The following CEP112 variants were observed in gnomAD, a reference collection of about 807,000 sequenced individuals.
The protein encoded by CEP112 is centrosomal protein 112.
In CEP112, 127 loss-of-function variants were observed where a neutral mutation model predicts 153.0. The observed-to-expected ratio is 0.83, with a 90% CI of 0.72 to 0.96. The LOEUF is 0.96. Among genes scored for constraint, CEP112 ranks in the 40% least tolerant of loss-of-function variants. The pLI, the probability that CEP112 is intolerant of heterozygous loss-of-function variation, is 0.00. For synonymous variants in CEP112, 358 were observed against 374.4 expected (o/e 0.96, Z 0.51); for missense variants, 1,089 against 1,101.2 (o/e 0.99, Z 0.16).
At chr17:65,644,324 C>T in intron 24 of CEP112, 1 of 569,876 alleles carries the variant, frequency 1.8e-6, no homozygotes, top group Non-Finnish European at 3.1e-6. Flanking sequence ...CATTTGAGTG[C>T]CAAGATGGTG....
At chr17:65,979,814 T>A (rs768226213) in intron 17 of CEP112, among the ~76,000 whole-genome samples, 16 of 152,112 alleles carry the variant, frequency 1.1e-4, no homozygotes, top group Admixed American at 3.3e-4. Flanking sequence ...AGCCACAACC[T>A]GCAAAATGAA....
chr17:65,814,453 A>G (rs771874811), intron 21 of CEP112, among the ~76,000 whole-genome samples: 1 of 152,198 alleles, frequency 6.6e-6, no homozygotes, highest in African/African-American at 2.4e-5. Context: ...AAATTATTCA[A>G]ACGATTTAAG....
chr17:65,959,973 G>A (rs932000482), intron 18 of CEP112, among the ~76,000 whole-genome samples: 1 of 152,186 alleles, frequency 6.6e-6, no homozygotes, highest in East Asian at 1.9e-4. Context: ...ACTAGCCACA[G>A]AGGTTTCTGG....
chr17:66,103,171 G>A lies in CEP112; in HGVS notation c.643-6539C>T, dbSNP rs371834187. Among the ~76,000 whole-genome samples the A allele has an allele frequency of 3.9e-5, 6 of 152,038 alleles. No individual in the cohort carries two copies. The East Asian group carries it at 7.7e-4, about 20-fold the overall frequency. On this transcript the variant is annotated intron_variant, in intron 6 of 26. Transcript: ENST00000535342. ...ACCCAGGAGGTGAAGGTTGCAGTGG[G>A]CCGAGATAGTGCCATTGCACTGAGT... is the stretch of plus-strand genomic sequence containing the variant.
rs72837127 is a variant in CEP112 at position 66,077,580 on chromosome 17, T to A, written c.769-7579A>T. Among the ~76,000 whole-genome samples the A allele has an allele frequency of 7.2e-3, 1,099 of 152,236 alleles. 1 individual carries two copies. The highest frequency in any genetic ancestry group is 0.024 in the Middle Eastern group (7 of 294). On this transcript the variant is annotated intron_variant, in intron 8 of 26. Coordinates refer to ENST00000535342, the MANE Select transcript of CEP112 (RefSeq NM_001199165.4). ...TGGGATTATGTGAAACAACCAAACC[T>A]AAGAACAATCGGTATTCCTGAGGAA...
At chr17:66,038,919 C>T (rs1020750863) in intron 12 of CEP112, among the ~76,000 whole-genome samples, 2 of 152,064 alleles carry the variant, frequency 1.3e-5, no homozygotes, top group Non-Finnish European at 2.9e-5. Context: ...TGGCAGGTTA[C>T]TGGAAGAGTC....
intron 20 of CEP112, among the ~76,000 whole-genome samples, chr17:65,856,266 A>T (rs1372902385): frequency 6.6e-6 from 1 of 152,174 alleles, no homozygotes; most frequent in Non-Finnish European, 1.5e-5. Flanking sequence ...ACTCCCTGGG[A>T]GGCAGCAGAG....
intron 18 of CEP112, among the ~76,000 whole-genome samples, chr17:65,946,262 T>G (rs1054361575): frequency 1.3e-5 from 2 of 152,238 alleles, no homozygotes; most frequent in Non-Finnish European, 2.9e-5. Flanking sequence ...TTCCCAACTA[T>G]CAAAAATGTT....
chr17:65,703,998 T>C (rs2048775301), intron 23 of CEP112, among the ~76,000 whole-genome samples: 2 of 151,976 alleles, frequency 1.3e-5, no homozygotes, highest in African/African-American at 2.4e-5. Context: ...GAACGTGGCC[T>C]TATTTGGAAA....
chr17:65,776,257 C>G (rs926394498), intron 21 of CEP112, among the ~76,000 whole-genome samples: 1 of 151,772 alleles, frequency 6.6e-6, no homozygotes, highest in African/African-American at 2.4e-5. Flanking sequence ...TTTTTTGAGA[C>G]GGAGTCTCGC....
chr17:65,669,521 A>C (rs1294042713), intron 24 of CEP112, among the ~76,000 whole-genome samples: 1 of 152,204 alleles, frequency 6.6e-6, no homozygotes, highest in African/African-American at 2.4e-5. Context: ...AGAAGTAGGG[A>C]ATAGATACCA....
chr17:65,826,309 C>T, intron 21 of CEP112: 1 of 1,613,976 alleles, frequency 6.2e-7, no homozygotes. Flanking sequence ...TCTTCGTTGA[C>T]CCCCATTAAG....
intron 12 of CEP112, among the ~76,000 whole-genome samples, chr17:66,043,790 T>C (rs929866137): frequency 2.6e-5 from 4 of 152,216 alleles, no homozygotes; most frequent in African/African-American, 7.2e-5. Context: ...GTAAGTCTCA[T>C]AATCTATACA....
At chr17:65,833,591 T>A (rs914252621) in intron 21 of CEP112, among the ~76,000 whole-genome samples, 4 of 151,948 alleles carry the variant, frequency 2.6e-5, no homozygotes, top group African/African-American at 9.7e-5. Flanking sequence ...CAGAAAGCAA[T>A]CCATTCACAA....
chr17:65,897,283 A>G (rs1175918506), intron 20 of CEP112, among the ~76,000 whole-genome samples: 1 of 152,180 alleles, frequency 6.6e-6, no homozygotes, highest in African/African-American at 2.4e-5. Context: ...CTCAGGACCA[A>G]GCAAATGGCA....
At chr17:66,090,793 A>T (rs73992236) in intron 8 of CEP112, among the ~76,000 whole-genome samples, 1 of 152,124 alleles carries the variant, frequency 6.6e-6, no homozygotes, top group African/African-American at 2.4e-5. Flanking sequence ...GCTTCCTATA[A>T]GAAATTCATT....
chr17:65,850,102 C>T (rs562141184), intron 21 of CEP112, among the ~76,000 whole-genome samples: 115 of 141,746 alleles, frequency 8.1e-4, no homozygotes, highest in Non-Finnish European at 1.3e-3. Context: ...TGCAGTGAGC[C>T]GAGATCATGC....
intron 24 of CEP112, among the ~76,000 whole-genome samples, chr17:65,663,994 C>G (rs1007179393): frequency 1.3e-5 from 2 of 151,980 alleles, no homozygotes; most frequent in African/African-American, 4.8e-5. Context: ...TGCAGTGAGC[C>G]GAGATCGTGC....
chr17:65,841,226 T>C (rs948904741), intron 21 of CEP112, among the ~76,000 whole-genome samples: 3 of 152,006 alleles, frequency 2.0e-5, no homozygotes, highest in Non-Finnish European at 2.9e-5. Context: ...TTATTCACCA[T>C]AGCAAAGATA....
Sources: gnomAD v4.1 joint callset for allele counts (sites outside exome capture counted in the v4.1 genomes callset) on GRCh38, gnomAD v4.1.1 for gene constraint, MANE v1.5 for transcripts, NCBI Gene and HGNC (gene_info 2026-07-23, HGNC 2026-07-21) for gene names.